The following ROR1 variants were observed in gnomAD, a reference collection of about 807,000 sequenced individuals.
ROR1 encodes inactive tyrosine-protein kinase transmembrane receptor ROR1.
In ROR1, 19 loss-of-function variants were observed where a neutral mutation model predicts 78.8. The ratio of observed to expected loss-of-function variants is 0.24; its 90% CI spans 0.17 to 0.35. ROR1 has a LOEUF of 0.35. Among genes scored for constraint, ROR1 ranks in the 10% least tolerant of loss-of-function variants. The pLI is 1.00. For synonymous variants in ROR1, 386 were observed against 433.6 expected (o/e 0.89, Z 1.36); for missense variants, 917 against 1,177.8 (o/e 0.78, Z 3.24).
At chr1:64,009,772 A>T (rs1203187427) in intron 2 of ROR1, among the ~76,000 whole-genome samples, 1 of 152,152 alleles carries the variant, frequency 6.6e-6, no homozygotes, top group Admixed American at 6.5e-5. Context: ...ATGTGCTTGC[A>T]GGGTTCAGGA....
chr1:63,821,045 A>AT (rs1450166942), intron 1 of ROR1, among the ~76,000 whole-genome samples: 1 of 152,142 alleles, frequency 6.6e-6, no homozygotes, highest in African/African-American at 2.4e-5. Flanking sequence ...AAAGGGAAAG[A>AT]TTTTTTGTGT....
chr1:63,830,672 ATTTT>A (rs1299901828), intron 1 of ROR1, among the ~76,000 whole-genome samples: 3 of 152,182 alleles, frequency 2.0e-5, no homozygotes, highest in African/African-American at 7.2e-5. Flanking sequence ...AAACCATATC[ATTTT>A]ACTCCTGGCC....
At chr1:64,064,032 A>C (rs1032265049) in intron 4 of ROR1, among the ~76,000 whole-genome samples, 16 of 152,242 alleles carry the variant, frequency 1.1e-4, no homozygotes, top group African/African-American at 3.9e-4. Flanking sequence ...CTGGATGGCA[A>C]CATGCCTACA....
chr1:63,918,187 G>A (rs1448799210), intron 1 of ROR1, among the ~76,000 whole-genome samples: 1 of 152,220 alleles, frequency 6.6e-6, no homozygotes, highest in Non-Finnish European at 1.5e-5. Flanking sequence ...AGGAATTTAT[G>A]TTAGAGATTC....
chr1:64,146,207 G>A (rs1386415717), intron 7 of ROR1, among the ~76,000 whole-genome samples: 1 of 152,210 alleles, frequency 6.6e-6, no homozygotes, highest in Non-Finnish European at 1.5e-5. Context: ...TGGGCTTGGT[G>A]GCTCACGCCT....
chr1:63,918,060 G>A (rs774248343), intron 1 of ROR1, among the ~76,000 whole-genome samples: 6 of 152,180 alleles, frequency 3.9e-5, no homozygotes, highest in Admixed American at 2.0e-4. Flanking sequence ...GCAGACTCTT[G>A]TCTAGTGCCC....
chr1:63,847,421 G>C (rs917322208), intron 1 of ROR1, among the ~76,000 whole-genome samples: 10 of 152,104 alleles, frequency 6.6e-5, no homozygotes, highest in African/African-American at 2.4e-4. Context: ...TTTGTAAAGA[G>C]ATCTTTCTGG....
At chr1:63,853,959 T>C (rs1398733570) in intron 1 of ROR1, among the ~76,000 whole-genome samples, 1 of 152,248 alleles carries the variant, frequency 6.6e-6, no homozygotes, top group South Asian at 2.1e-4. Flanking sequence ...ACTAGGATGA[T>C]GGGAATTTTA....
At chr1:64,074,810 A>G (rs553891050) in intron 4 of ROR1, among the ~76,000 whole-genome samples, 1 of 152,342 alleles carries the variant, frequency 6.6e-6, no homozygotes, top group Non-Finnish European at 1.5e-5. Context: ...ATAACTGAGC[A>G]ACAATGGGGG....
chr1:63,961,365 A>C (rs1451582031), intron 1 of ROR1, among the ~76,000 whole-genome samples: 1 of 152,242 alleles, frequency 6.6e-6, no homozygotes, highest in Non-Finnish European at 1.5e-5. Flanking sequence ...AAATCAGTAC[A>C]TTAAAGAGAT....
chr1:64,050,398 G>A (rs1646819065), intron 3 of ROR1, among the ~76,000 whole-genome samples: 1 of 152,090 alleles, frequency 6.6e-6, no homozygotes. Context: ...CAGCCCATTG[G>A]AAACTCCCTG....
chr1:63,892,704 A>G (rs769599314), intron 1 of ROR1, among the ~76,000 whole-genome samples: 26 of 152,138 alleles, frequency 1.7e-4, no homozygotes, highest in Admixed American at 3.9e-4. Flanking sequence ...AAGCTCTGCC[A>G]CCACTAATGA....
intron 1 of ROR1, among the ~76,000 whole-genome samples, chr1:63,970,001 A>C (rs979956954): frequency 2.0e-5 from 3 of 152,010 alleles, no homozygotes; most frequent in Admixed American, 2.0e-4. Context: ...TATCCATATC[A>C]TACTCATTTT....
rs559092182 is a variant in ROR1, at chr1:63,780,665, A to G, written c.91+6157A>G. Among the ~76,000 whole-genome samples, 4 of 152,284 alleles carry G rather than the reference A, an allele frequency of 2.6e-5. No homozygotes were observed. In the East Asian group the frequency reaches 7.7e-4, roughly 29 times the overall value. On this transcript the variant is annotated intron_variant, in intron 1 of 8. Transcript: ENST00000371079. ...TTAGGACTCCAGAGTGTTTTGTTTT[A>G]TAGGGAGCATGCAGATGCTCTAGAT... is the stretch of plus-strand genomic sequence containing the variant.
chr1:63,944,604 T>C (rs1645869679), intron 1 of ROR1, among the ~76,000 whole-genome samples: 1 of 152,210 alleles, frequency 6.6e-6, no homozygotes, highest in South Asian at 2.1e-4. Context: ...TGTTGATGCA[T>C]TTCTGAGAAT....
intron 4 of ROR1, among the ~76,000 whole-genome samples, chr1:64,091,781 AC>A (rs1053522635): frequency 6.6e-6 from 1 of 151,910 alleles, no homozygotes; most frequent in African/African-American, 2.4e-5. Flanking sequence ...TCTGTTCCCA[AC>A]ATAAGATTTA....
intron 1 of ROR1, among the ~76,000 whole-genome samples, chr1:63,917,128 G>T (rs1461146429): frequency 2.0e-5 from 3 of 152,050 alleles, no homozygotes; most frequent in Non-Finnish European, 4.4e-5. Flanking sequence ...TCTTACATTG[G>T]TCACTGGGCA....
chr1:64,000,533 C>T (rs1646374140), intron 1 of ROR1, among the ~76,000 whole-genome samples: 1 of 152,182 alleles, frequency 6.6e-6, no homozygotes, highest in Non-Finnish European at 1.5e-5. Context: ...TATTTTAGGA[C>T]TTTCCACTGT....
chr1:63,919,800 G>T (rs1181454287), intron 1 of ROR1, among the ~76,000 whole-genome samples: 2 of 152,084 alleles, frequency 1.3e-5, no homozygotes, highest in Non-Finnish European at 1.5e-5. Context: ...ATTGAGTATT[G>T]ACTAATTATT....
Sources: allele counts gnomAD v4.1 joint callset (sites outside exome capture counted in the v4.1 genomes callset), GRCh38; gene constraint gnomAD v4.1.1; transcripts MANE v1.5; gene names NCBI Gene and HGNC (gene_info 2026-07-23, HGNC 2026-07-21).